The following CRYBG3 variants were observed in gnomAD, a reference collection of about 807,000 sequenced individuals.
CRYBG3 encodes the protein crystallin beta-gamma domain containing 3.
Under a neutral mutation model 244.2 loss-of-function variants are expected in CRYBG3, and 127 were observed. The ratio of observed to expected loss-of-function variants is 0.52; its 90% CI spans 0.45 to 0.60. The LOEUF (loss-of-function observed/expected upper bound fraction) is 0.60. CRYBG3 is among the 20% of genes least tolerant of loss of function. The probability of loss-of-function intolerance (pLI) is 0.00; values close to 1 mark genes in which losing one functional copy is unlikely to be tolerated. For missense variants in CRYBG3, 3,325 were observed against 3,442.5 expected (o/e 0.97, Z 0.85); for synonymous variants, 1,132 against 1,195.8 (o/e 0.95, Z 1.10).
At chr3:97,853,903 T>A (rs2039026067) in intron 2 of CRYBG3, among the ~76,000 whole-genome samples, 2 of 152,188 alleles carry the variant, frequency 1.3e-5, no homozygotes, top group African/African-American at 4.8e-5. Flanking sequence ...TCTGCCTAAG[T>A]CAATGTCTGG....
chr3:97,936,926 A>G lies in CRYBG3; in HGVS notation c.8505+18A>G, dbSNP rs745450545. On this transcript the variant is annotated intron_variant, in intron 19 of 21. Transcript: ENST00000389622. Reference sequence around the variant, plus strand: ...TGAAGCAGGTAAGGAGAAAAGAACCATAAGATTCCAAATAGCTTGCTTTTG... The same window carrying G: ...TGAAGCAGGTAAGGAGAAAAGAACCGTAAGATTCCAAATAGCTTGCTTTTG... 6.8e-6 allele frequency: 11 copies of G among 1,606,302 alleles called. 1 individual carries two copies. The highest frequency in any genetic ancestry group is 4.5e-5 in the East Asian group (2 of 44,714).
At chr3:97,848,249 C>A (rs2038930985) in intron 2 of CRYBG3, among the ~76,000 whole-genome samples, 1 of 152,024 alleles carries the variant, frequency 6.6e-6, no homozygotes, top group African/African-American at 2.4e-5. Context: ...ATTACTGAAC[C>A]AATTTTTAAA....
rs2040250127 is a variant in CRYBG3 at position 97,942,337 on chromosome 3, A to G, written c.8718A>G (p.Lys2906=). 1.9e-6 allele frequency: 3 copies of G among 1,611,812 alleles called. No individual in the cohort carries two copies. Among genetic ancestry groups the G allele is most frequent in the Non-Finnish European group, 2.5e-6 (3 of 1,178,536 alleles). Reference sequence around the variant, plus strand: ...GTGGCCGGGACACACCTGGAGCTAAAGTAGCTCTATGGACTGAACATGGGC... The same window carrying G: ...GTGGCCGGGACACACCTGGAGCTAAGGTAGCTCTATGGACTGAACATGGGC... ...VIGGRDTPGA[K]VALWTEHGQF... The change falls in exon 21 of 22, where the codon AAA becomes AAG. Residue 2906 remains lysine, a synonymous_variant. Transcript: ENST00000389622.
chr3:97,851,984 T>C (rs1481629217), intron 2 of CRYBG3, among the ~76,000 whole-genome samples: 1 of 152,194 alleles, frequency 6.6e-6, no homozygotes, highest in African/African-American at 2.4e-5. Flanking sequence ...GTGGGAATTT[T>C]AAACTTTATA....
chr3:97,903,321 T>C (rs901729568), intron 15 of CRYBG3, among the ~76,000 whole-genome samples: 6 of 152,178 alleles, frequency 3.9e-5, no homozygotes, highest in Non-Finnish European at 7.3e-5. Flanking sequence ...CACTTCTTTG[T>C]GGCACTTTAA....
rs752520452 is a variant in CRYBG3 at position 97,892,895 on chromosome 3, G to A, written c.7476G>A (p.Gln2492=). The part of the protein sequence containing the change: ...IIYEKPHFHG[Q]AKEFSEHIDS... The stretch of plus-strand genomic sequence containing the variant: ...ATGAAAAACCTCACTTCCATGGACA[G>A]GCTAAAGAGTTTAGTGAACATATAG... Residue 2492 remains glutamine (Q), a synonymous_variant, in exon 11 of 22, where the codon CAG becomes CAA. Transcript: ENST00000389622. The A allele has an allele frequency of 1.3e-6, 2 of 1,558,596 alleles. No individual in the cohort carries two copies. Among genetic ancestry groups the A allele is most frequent in the Non-Finnish European group, 1.8e-6 (2 of 1,140,212 alleles).
intron 2 of CRYBG3, among the ~76,000 whole-genome samples, chr3:97,857,843 T>C (rs948672393): frequency 9.2e-5 from 14 of 152,132 alleles, no homozygotes; most frequent in African/African-American, 3.4e-4. Flanking sequence ...AATAAGGACT[T>C]ACTCTTGTCA....
chr3:97,901,891 G>A (rs1158640340), intron 15 of CRYBG3, among the ~76,000 whole-genome samples: 1 of 152,078 alleles, frequency 6.6e-6, no homozygotes, highest in Non-Finnish European at 1.5e-5. Flanking sequence ...ATTTTTCTGG[G>A]TATGGCTAAG....
intron 14 of CRYBG3, among the ~76,000 whole-genome samples, chr3:97,899,857 A>G (rs79180507): frequency 2.6e-5 from 4 of 152,354 alleles, no homozygotes; most frequent in Non-Finnish European, 4.4e-5. Flanking sequence ...CTGTAGAACA[A>G]TAAGAGTGCC....
intron 1 of CRYBG3, 30 bp downstream of exon 1, chr3:97,822,385 G>A (rs763102224): frequency 6.9e-7 from 1 of 1,446,716 alleles, no homozygotes; most frequent in Non-Finnish European, 9.1e-7. Flanking sequence ...TCGCGGGGGG[G>A]CCCTGCACAT....
chr3:97,859,479 C>T (rs1341933117), intron 2 of CRYBG3, among the ~76,000 whole-genome samples: 1 of 152,108 alleles, frequency 6.6e-6, no homozygotes, highest in Admixed American at 6.5e-5. Context: ...ATGTAGGTAC[C>T]ATGAAAGCCA....
At chr3:97,835,809 A>AATG (rs2038724579) in intron 1 of CRYBG3, among the ~76,000 whole-genome samples, 1 of 152,162 alleles carries the variant, frequency 6.6e-6, no homozygotes, top group South Asian at 2.1e-4. Flanking sequence ...CAATTTGTTG[A>AATG]ATGATATGTG....
chr3:97,835,495 C>G (rs988795095), intron 1 of CRYBG3, among the ~76,000 whole-genome samples: 1 of 152,042 alleles, frequency 6.6e-6, no homozygotes, highest in African/African-American at 2.4e-5. Flanking sequence ...TCATGTGGCA[C>G]AGATGCCAGT....
Position 97,873,124 on chromosome 3 carries a change from A to T in CRYBG3, c.1930A>T (p.Ser644Cys). 6.5e-7 allele frequency: 1 copy of T among 1,535,698 alleles called. No homozygotes were observed. Among genetic ancestry groups the T allele is most frequent in the East Asian group, 2.4e-5 (1 of 40,912 alleles). The change falls in exon 4 of 22, where the codon AGC becomes TGC. Residue 644 changes from serine (S) to cysteine (C), a missense_variant. This residue lies in a region of CRYBG3 where 1,526 missense variants were observed against 1,443.2 expected (regional missense o/e 1.06). Transcript: ENST00000389622. ...ATCACCTGATGCTAAAACATCTCTT[A>T]GCCTTGACTGTAAAAAACTAAATTT... is the stretch of plus-strand genomic sequence containing the variant. ...EVSPDAKTSLSLDCKKLNFSI... is the reference protein window; with the variant it reads ...EVSPDAKTSLCLDCKKLNFSI...
intron 1 of CRYBG3, among the ~76,000 whole-genome samples, chr3:97,842,044 C>T (rs1368911079): frequency 6.6e-6 from 1 of 152,068 alleles, no homozygotes; most frequent in Non-Finnish European, 1.5e-5. Flanking sequence ...GTTCATTTAG[C>T]AGTTATAACT....
intron 1 of CRYBG3, among the ~76,000 whole-genome samples, chr3:97,823,178 C>A (rs2038530392): frequency 6.6e-6 from 1 of 152,158 alleles, no homozygotes; most frequent in Non-Finnish European, 1.5e-5. Context: ...GTTTCTGAGT[C>A]TTTTCATCCC....
At chr3:97,830,396 G>A (rs1055961764) in intron 1 of CRYBG3, among the ~76,000 whole-genome samples, 3 of 151,830 alleles carry the variant, frequency 2.0e-5, no homozygotes, top group South Asian at 2.1e-4. Flanking sequence ...TAGTTCCCAA[G>A]CTTGCTGTAT....
chr3:97,889,092 C>A (rs2039542313), intron 9 of CRYBG3, among the ~76,000 whole-genome samples: 1 of 152,174 alleles, frequency 6.6e-6, no homozygotes, highest in Non-Finnish European at 1.5e-5. Flanking sequence ...GCTCAGTTTC[C>A]TTCCTCATAG....
chr3:97,879,753 G>A lies in CRYBG3; in HGVS notation c.6888+5G>A. On this transcript the variant is annotated splice_donor_5th_base_variant and intron_variant, in intron 5 of 21. Coordinates refer to ENST00000389622, the MANE Select transcript of CRYBG3 (RefSeq NM_153605.4). Reference sequence around the variant, plus strand: ...TGTAACCCAAGACCTGGGAAGGTAAGGATAACTTTCTCAAACTAAGATAAA... The same window carrying A: ...TGTAACCCAAGACCTGGGAAGGTAAAGATAACTTTCTCAAACTAAGATAAA... The A allele has an allele frequency of 6.3e-7, 1 of 1,596,948 alleles. No homozygotes were observed. Among genetic ancestry groups the A allele is most frequent in the African/African-American group, 1.3e-5 (1 of 74,400 alleles).
Sources: allele counts gnomAD v4.1 joint callset (sites outside exome capture counted in the v4.1 genomes callset), GRCh38; gene constraint gnomAD v4.1.1; regional missense constraint gnomAD v4.1.1; transcripts MANE v1.5; gene names NCBI Gene and HGNC (gene_info 2026-07-23, HGNC 2026-07-21).